The following HERC1 variants were observed in gnomAD, a reference collection of about 807,000 sequenced individuals.
The protein encoded by HERC1 is probable E3 ubiquitin-protein ligase HERC1.
In HERC1, 160 loss-of-function variants were observed where a neutral mutation model predicts 554.3. That is an observed-to-expected ratio of 0.29 (90% CI 0.25 to 0.33). HERC1 has a LOEUF of 0.33. Ranked by LOEUF, HERC1 falls within the 10% of genes least tolerant of loss-of-function variation. The pLI, the probability that HERC1 is intolerant of heterozygous loss-of-function variation, is 1.00. For synonymous variants in HERC1, 2,175 were observed against 2,131.7 expected (o/e 1.02, Z -0.56); for missense variants, 4,919 against 5,918.5 (o/e 0.83, Z 5.54).
intron 72 of HERC1, 59 bp downstream of exon 72, chr15:63,624,099 A>C (rs2068200068): frequency 6.2e-6 from 9 of 1,458,392 alleles, no homozygotes; most frequent in Non-Finnish European, 7.5e-6. Context: ...AGAAATTAGT[A>C]ATAACATCCA....
At chr15:63,716,009 TG>T (rs1462351609) in intron 22 of HERC1, among the ~76,000 whole-genome samples, 3 of 152,198 alleles carry the variant, frequency 2.0e-5, no homozygotes. Context: ...ATATTTTGAA[TG>T]GCCCTATCTG....
chr15:63,819,995 C>G (rs1052852745), intron 1 of HERC1, among the ~76,000 whole-genome samples: 1 of 152,122 alleles, frequency 6.6e-6, no homozygotes, highest in African/African-American at 2.4e-5. Flanking sequence ...GTTAAGTGTT[C>G]TCACCACAAA....
chr15:63,749,263 T>A lies in HERC1; in HGVS notation c.2219+104A>T, dbSNP rs114168463. On this transcript the variant is annotated intron_variant, in intron 10 of 77. Transcript: ENST00000443617. This position sits in a 1 kb window ranked among gnomAD's most constrained non-coding sequence, Gnocchi z 4.1. The stretch of plus-strand genomic sequence containing the variant: ...AATACTATATATGTTCAGAAGAGTA[T>A]TTTATGAACAAAGCACAATTATTTC... The A allele has an allele frequency of 1.8e-3, 1,623 of 895,396 alleles. 21 individuals are homozygous for A. The African/African-American group carries it at 0.025, about 14-fold the overall frequency. The allele number at this position is 895,396 out of a possible 1,614,324, so 55.5% of individuals were successfully genotyped here.
chr15:63,713,589 C>A lies in HERC1; in HGVS notation c.4227G>T (p.Gly1409=), dbSNP rs368830666. 1.9e-6 allele frequency: 3 copies of A among 1,613,858 alleles called. No homozygotes were observed. The highest frequency in any genetic ancestry group is 2.5e-6 in the Non-Finnish European group (3 of 1,179,838). Residue 1409 remains glycine, a synonymous_variant, in exon 23 of 78, where the codon GGG becomes GGT. Transcript: ENST00000443617. ...GTGGATCATCAGCTCGAGCCCCAGACCCTGCCCCACTGTTCATTCTATCTC... is the reference window on the plus strand; with the variant it reads ...GTGGATCATCAGCTCGAGCCCCAGAACCTGCCCCACTGTTCATTCTATCTC... ...RDRDRMNSGA[G]SGARADDPPP... is the part of the protein sequence containing the mutation.
intron 37 of HERC1, among the ~76,000 whole-genome samples, chr15:63,675,745 T>C (rs779497172): frequency 8.5e-5 from 13 of 152,210 alleles, no homozygotes; most frequent in Admixed American, 2.0e-4. Flanking sequence ...AGTTTAAGAA[T>C]GATATAATTA....
chr15:63,669,108 C>T (rs1220808483), intron 40 of HERC1, among the ~76,000 whole-genome samples: 4 of 152,118 alleles, frequency 2.6e-5, no homozygotes, highest in East Asian at 1.9e-4. Context: ...AGTAACAAAA[C>T]GATATCTAGA....
At chr15:63,658,869 A>T (rs1289025486) in intron 47 of HERC1, among the ~76,000 whole-genome samples, 151 bp from the exon 48 acceptor site, 2 of 152,254 alleles carry the variant, frequency 1.3e-5, no homozygotes, top group Non-Finnish European at 2.9e-5. Flanking sequence ...TTCTTAGGAG[A>T]AACTCACATA....
chr15:63,740,556 T>A (rs528967903), intron 12 of HERC1, among the ~76,000 whole-genome samples: 1 of 152,360 alleles, frequency 6.6e-6, no homozygotes, highest in East Asian at 1.9e-4. Flanking sequence ...GCATGAAGGT[T>A]CTAATTTCTC....
intron 77 of HERC1, among the ~76,000 whole-genome samples, chr15:63,610,241 G>A (rs1034241169): frequency 1.3e-5 from 2 of 152,152 alleles, no homozygotes; most frequent in African/African-American, 4.8e-5. Flanking sequence ...ATGGGAGGTG[G>A]ATGGCCCAGC....
intron 76 of HERC1, among the ~76,000 whole-genome samples, chr15:63,614,220 G>T (rs1380689050): frequency 6.6e-6 from 1 of 152,200 alleles, no homozygotes; most frequent in African/African-American, 2.4e-5. Context: ...ACCCTCAGAA[G>T]AAGGGTCATC....
intron 72 of HERC1, 122 bp downstream of exon 72, chr15:63,624,036 G>T (rs185457704): frequency 1.6e-6 from 2 of 1,227,482 alleles, no homozygotes; most frequent in East Asian, 2.3e-5. Context: ...AGGTACTAAT[G>T]TAAGTACTAT....
intron 39 of HERC1, 75 bp downstream of exon 39, chr15:63,672,421 T>C (rs2070979974): frequency 3.0e-6 from 3 of 988,752 alleles, no homozygotes; most frequent in Non-Finnish European, 4.4e-6. Context: ...TTGGGCATAC[T>C]ATTCATATGA....
chr15:63,794,494 T>C (rs568901791), intron 1 of HERC1, among the ~76,000 whole-genome samples: 1 of 152,232 alleles, frequency 6.6e-6, no homozygotes, highest in South Asian at 2.1e-4. Flanking sequence ...AACCCTCTAA[T>C]CATGGCTCAG....
chr15:63,832,351 G>C (rs995782690), intron 1 of HERC1, among the ~76,000 whole-genome samples: 1 of 152,038 alleles, frequency 6.6e-6, no homozygotes, highest in Non-Finnish European at 1.5e-5. Context: ...AATTTTGCTT[G>C]TATAAACGCA....
intron 40 of HERC1, among the ~76,000 whole-genome samples, chr15:63,668,269 T>C (rs547067903): frequency 4.6e-5 from 7 of 152,092 alleles, no homozygotes; most frequent in African/African-American, 1.2e-4. Flanking sequence ...AAAAGCAAGA[T>C]TCCCTTGAGG....
intron 55 of HERC1, 142 bp downstream of exon 55, chr15:63,647,927 G>T: frequency 1.5e-6 from 1 of 682,984 alleles, no homozygotes; most frequent in Non-Finnish European, 2.5e-6. Flanking sequence ...GATGGATTAT[G>T]AGAGATTACT....
intron 44 of HERC1, 90 bp downstream of exon 44, chr15:63,662,894 T>C (rs2070431346): frequency 2.1e-6 from 2 of 963,064 alleles, no homozygotes; most frequent in Admixed American, 4.6e-5. Flanking sequence ...TTAGAGTGTT[T>C]CAACTCTAGG....
At position 63,758,915 on chromosome 15, in the gene HERC1, G is replaced by C. The variant is rs2075518081; in HGVS notation, c.1027-546C>G. ...CCACCCCCAACTTTTTTTTTAAATA[G>C]ATGGGGTCTCATTATCTTACACAGA... On this transcript the variant is annotated intron_variant, in intron 3 of 77. Transcript: ENST00000443617. This position sits in a 1 kb window ranked among gnomAD's most constrained non-coding sequence, Gnocchi z 4.0. Among the ~76,000 whole-genome samples, 3 of 151,636 alleles carry C rather than the reference G, an allele frequency of 2.0e-5. No homozygotes were observed. Among genetic ancestry groups the C allele is most frequent in the Non-Finnish European group, 2.9e-5 (2 of 67,958 alleles).
chr15:63,690,909 T>C (rs1020999692), intron 31 of HERC1, among the ~76,000 whole-genome samples: 10 of 152,238 alleles, frequency 6.6e-5, no homozygotes, highest in African/African-American at 2.4e-4. Context: ...TATGCTATGC[T>C]ACACATTTCA....
Sources: gnomAD v4.1 joint callset for allele counts (sites outside exome capture counted in the v4.1 genomes callset) on GRCh38, gnomAD v4.1.1 for gene constraint, Gnocchi (gnomAD v3.1) non-coding constraint, MANE v1.5 for transcripts, NCBI Gene and HGNC (gene_info 2026-07-23, HGNC 2026-07-21) for gene names.